TMEM232: variants seen among roughly 807,000 people sequenced by gnomAD.
The protein encoded by TMEM232 is transmembrane protein 232.
In TMEM232, 80 loss-of-function variants were observed where a neutral mutation model predicts 78.8. The ratio of observed to expected loss-of-function variants is 1.01; its 90% CI spans 0.85 to 1.22. The LOEUF (loss-of-function observed/expected upper bound fraction) is 1.22. Ranked by LOEUF, TMEM232 falls within the 50% of genes most tolerant of loss-of-function variation. TMEM232 has a pLI of 0.00. For missense variants in TMEM232, 881 were observed against 742.2 expected (o/e 1.19, Z -2.17); for synonymous variants, 297 against 254.3 (o/e 1.17, Z -1.60).
At chr5:110,507,914 A>G (rs1325712549) in intron 12 of TMEM232, among the ~76,000 whole-genome samples, 2 of 152,144 alleles carry the variant, frequency 1.3e-5, no homozygotes, top group Non-Finnish European at 2.9e-5. Context: ...AAAAATTACT[A>G]TATGTGACTT....
chr5:110,512,492 AAC>A (rs143045749), intron 12 of TMEM232, among the ~76,000 whole-genome samples: 1,679 of 152,282 alleles, frequency 0.011, 33 homozygotes, highest in African/African-American at 0.038. Flanking sequence ...TTACTGAAGG[AAC>A]ACATCACCTC....
chr5:110,701,489 A>G (rs940222836), intron 1 of TMEM232, among the ~76,000 whole-genome samples: 7 of 152,050 alleles, frequency 4.6e-5, no homozygotes, highest in Admixed American at 4.6e-4. Flanking sequence ...AGAGATTTGT[A>G]CAAGGTTTGA....
At chr5:110,443,064 C>G (rs1759242694) in intron 12 of TMEM232, among the ~76,000 whole-genome samples, 1 of 152,182 alleles carries the variant, frequency 6.6e-6, no homozygotes, top group African/African-American at 2.4e-5. Context: ...CCACCCAAGG[C>G]ATACTGTAAC....
At chr5:110,472,771 A>G (rs1762821104) in intron 12 of TMEM232, among the ~76,000 whole-genome samples, 1 of 151,996 alleles carries the variant, frequency 6.6e-6, no homozygotes, top group African/African-American at 2.4e-5. Flanking sequence ...ATAAACCCAT[A>G]GCTCTTAAGC....
At chr5:110,441,016 AC>A (rs1339722682) in intron 12 of TMEM232, among the ~76,000 whole-genome samples, 1 of 152,074 alleles carries the variant, frequency 6.6e-6, no homozygotes, top group Non-Finnish European at 1.5e-5. Flanking sequence ...GGTCATTTTG[AC>A]TGAGGAAGGA....
intron 10 of TMEM232, among the ~76,000 whole-genome samples, chr5:110,599,177 A>C (rs1780569065): frequency 6.6e-6 from 1 of 152,126 alleles, no homozygotes. Flanking sequence ...GAGGCACTAA[A>C]TATGGAAAGG....
intron 3 of TMEM232, among the ~76,000 whole-genome samples, chr5:110,641,295 A>G (rs912525009): frequency 1.3e-5 from 2 of 151,958 alleles, no homozygotes; most frequent in African/African-American, 4.8e-5. Context: ...CCCCCAAGGG[A>G]ATGCATTTTT....
intron 1 of TMEM232, among the ~76,000 whole-genome samples, chr5:110,679,288 TA>T (rs1792417786): frequency 6.6e-6 from 1 of 152,222 alleles, no homozygotes. Context: ...TGATATAGAG[TA>T]TCTTTTCACA....
intron 1 of TMEM232, among the ~76,000 whole-genome samples, chr5:110,712,105 CAAAAAAA>C (rs61482697): frequency 3.2e-3 from 207 of 65,422 alleles, no homozygotes; most frequent in African/African-American, 8.8e-3. Context: ...GACTCAATCT[CAAAAAAA>C]AAAAAAAAAA....
intron 12 of TMEM232, among the ~76,000 whole-genome samples, chr5:110,432,996 T>C (rs1758030353): frequency 1.3e-5 from 2 of 151,736 alleles, no homozygotes; most frequent in African/African-American, 4.8e-5. Context: ...CACTTACTTC[T>C]AGCCTTAAGA....
At chr5:110,709,627 G>A (rs1313918209) in intron 1 of TMEM232, among the ~76,000 whole-genome samples, 1 of 152,012 alleles carries the variant, frequency 6.6e-6, no homozygotes, top group Non-Finnish European at 1.5e-5. Context: ...ATGCGCACCT[G>A]AATAACAAGT....
chr5:110,464,155 A>C (rs1761830915), intron 12 of TMEM232, among the ~76,000 whole-genome samples: 1 of 152,188 alleles, frequency 6.6e-6, no homozygotes, highest in African/African-American at 2.4e-5. Context: ...GTCCCCATTC[A>C]AGAACTATAA....
At chr5:110,457,914 T>C (rs959012482) in intron 12 of TMEM232, among the ~76,000 whole-genome samples, 3 of 152,130 alleles carry the variant, frequency 2.0e-5, no homozygotes, top group Non-Finnish European at 2.9e-5. Flanking sequence ...TGTAATGTAA[T>C]ATAGTATCTT....
intron 11 of TMEM232, among the ~76,000 whole-genome samples, chr5:110,560,154 C>A (rs961732251): frequency 6.6e-6 from 1 of 152,090 alleles, no homozygotes; most frequent in African/African-American, 2.4e-5. Flanking sequence ...AGTTGTGAAG[C>A]AACTAGAACT....
intron 1 of TMEM232, among the ~76,000 whole-genome samples, chr5:110,710,669 T>G (rs926236848): frequency 6.6e-6 from 1 of 152,072 alleles, no homozygotes; most frequent in Non-Finnish European, 1.5e-5. Flanking sequence ...ATTGGTGAGA[T>G]GATTGATAAA....
In TMEM232 at chr5:110,652,294, G is replaced by GCACACA. The variant is rs70999969; in HGVS notation, c.126-9929_126-9924dup. On this transcript the variant is annotated intron_variant, in intron 2 of 13. Coordinates refer to ENST00000455884, the MANE Select transcript of TMEM232 (RefSeq NM_001039763.4). ...CAAGCACACAAAAGTGCACGCGCGC[G>GCACACA]CACACACACACACACACACACACAC... Among the ~76,000 whole-genome samples the GCACACA allele has an allele frequency of 6.3e-3, 915 of 145,432 alleles. 14 individuals carry two copies. Among genetic ancestry groups the GCACACA allele is most frequent in the African/African-American group, 0.015 (596 of 38,918 alleles).
intron 12 of TMEM232, among the ~76,000 whole-genome samples, chr5:110,508,262 G>A (rs1318934218): frequency 6.6e-6 from 1 of 152,024 alleles, no homozygotes; most frequent in Non-Finnish European, 1.5e-5. Context: ...CACTGACAGA[G>A]TTGGCATTGA....
At chr5:110,583,596 C>A (rs1778445393) in intron 10 of TMEM232, among the ~76,000 whole-genome samples, 1 of 151,560 alleles carries the variant, frequency 6.6e-6, no homozygotes, top group Non-Finnish European at 1.5e-5. Context: ...GGAAATAACA[C>A]CAAAAGCACA....
At chr5:110,516,549 T>C (rs1257801015) in intron 12 of TMEM232, among the ~76,000 whole-genome samples, 1 of 152,058 alleles carries the variant, frequency 6.6e-6, no homozygotes, top group Non-Finnish European at 1.5e-5. Context: ...TACATACCTA[T>C]TTTTTTGGTC....
Sources: gnomAD v4.1 joint callset for allele counts (sites outside exome capture counted in the v4.1 genomes callset) on GRCh38, gnomAD v4.1.1 for gene constraint, MANE v1.5 for transcripts, NCBI Gene and HGNC (gene_info 2026-07-23, HGNC 2026-07-21) for gene names.